The following HERC3 variants were observed in gnomAD, a reference collection of about 807,000 sequenced individuals.
The protein encoded by HERC3 is probable E3 ubiquitin-protein ligase HERC3.
Under a neutral mutation model 129.9 loss-of-function variants are expected in HERC3, and 58 were observed. The observed-to-expected ratio is 0.45, with a 90% CI of 0.36 to 0.56. The LOEUF is 0.56. Ranked by LOEUF, HERC3 falls within the 20% of genes least tolerant of loss-of-function variation. The pLI, the probability that HERC3 is intolerant of heterozygous loss-of-function variation, is 0.00. For missense variants in HERC3, 835 were observed against 1,244.2 expected (o/e 0.67, Z 4.95); for synonymous variants, 430 against 451.0 (o/e 0.95, Z 0.59).
intron 23 of HERC3, chr4:88,697,674 C>T (rs780447986): frequency 2.2e-5 from 35 of 1,612,936 alleles, no homozygotes; most frequent in Non-Finnish European, 7.6e-6. Context: ...CGCCTTCCGC[C>T]ATTACCTCCT....
chr4:88,551,918 A>G, the HERC3 span, among the ~76,000 whole-genome samples: 1 of 152,324 alleles, frequency 6.6e-6, no homozygotes, highest in African/African-American at 2.4e-5. Flanking sequence ...GACTTAGAAA[A>G]TGTGGCACAT....
intron 3 of HERC3, among the ~76,000 whole-genome samples, chr4:88,625,834 TG>T (rs1415036095): frequency 6.8e-6 from 1 of 147,576 alleles, no homozygotes; most frequent in Non-Finnish European, 1.5e-5. Context: ...TGATATTTAG[TG>T]ATTTTTTTTT....
At chr4:88,663,406 T>A (rs1730708501) in intron 11 of HERC3, among the ~76,000 whole-genome samples, 1 of 152,124 alleles carries the variant, frequency 6.6e-6, no homozygotes, top group Non-Finnish European at 1.5e-5. Context: ...GAGGGCTTGC[T>A]GGGGTCCAGC....
At chr4:88,587,378 T>C in the HERC3 span, among the ~76,000 whole-genome samples, 1 of 152,196 alleles carries the variant, frequency 6.6e-6, no homozygotes, top group East Asian at 1.9e-4. Flanking sequence ...TTGCTTGGAT[T>C]GGGAAAAATG....
At chr4:88,616,539 T>C (rs1724916558) in intron 3 of HERC3, among the ~76,000 whole-genome samples, 1 of 152,200 alleles carries the variant, frequency 6.6e-6, no homozygotes, top group African/African-American at 2.4e-5. Context: ...GACTTCCAGT[T>C]AGCTGTGATG....
At chr4:88,645,234 GA>G (rs1728564504) in intron 3 of HERC3, among the ~76,000 whole-genome samples, 2 of 152,126 alleles carry the variant, frequency 1.3e-5, no homozygotes. Context: ...GTGGGAACAG[GA>G]AATCAAGAGT....
chr4:88,681,432 T>C lies in HERC3; in HGVS notation c.2507+107T>C. On this transcript the variant is annotated intron_variant, in intron 21 of 25. Coordinates refer to ENST00000402738, the MANE Select transcript of HERC3 (RefSeq NM_014606.3). The stretch of plus-strand genomic sequence containing the variant: ...GTACAAATCTGAGTTTATTGCATCC[T>C]GTGGTTAGACCCTGTTATGTGTGTT... 3.2e-6 allele frequency: 3 copies of C among 942,732 alleles called. No homozygotes were observed. In the East Asian group the frequency reaches 7.6e-5, roughly 24 times the overall value. The allele number at this position is 942,732 out of a possible 1,614,324, so 58.4% of individuals were successfully genotyped here. A position where few individuals can be genotyped will look rare whatever the true frequency, so the allele number is the denominator to read the frequency against.
At chr4:88,565,970 A>G in the HERC3 span, among the ~76,000 whole-genome samples, 1 of 148,268 alleles carries the variant, frequency 6.7e-6, no homozygotes. Context: ...TCTTGTTTCC[A>G]TCTTTTTTTT....
chr4:88,617,571 C>T (rs963275573), intron 3 of HERC3, among the ~76,000 whole-genome samples: 2 of 152,178 alleles, frequency 1.3e-5, no homozygotes, highest in African/African-American at 4.8e-5. Flanking sequence ...GCTGTTTGGG[C>T]ACAAAGTCAA....
chr4:88,652,216 A>G, intron 5 of HERC3, 128 bp downstream of exon 5: 4 of 687,346 alleles, frequency 5.8e-6, no homozygotes, highest in Non-Finnish European at 1.0e-5. Flanking sequence ...TTGCTGTTGG[A>G]CAGTGACAAT....
intron 3 of HERC3, among the ~76,000 whole-genome samples, chr4:88,619,576 C>T (rs1408628611): frequency 1.3e-5 from 2 of 152,090 alleles, no homozygotes; most frequent in East Asian, 1.9e-4. Flanking sequence ...AGGGTTTCAA[C>T]GTGGTCCTGA....
At chr4:88,640,582 C>T (rs763238399) in intron 3 of HERC3, among the ~76,000 whole-genome samples, 3 of 151,804 alleles carry the variant, frequency 2.0e-5, no homozygotes, top group Non-Finnish European at 4.4e-5. Context: ...TGGTGGGGAG[C>T]GAGGGAAGGG....
the HERC3 span, among the ~76,000 whole-genome samples, chr4:88,557,355 T>C: frequency 6.6e-6 from 1 of 152,176 alleles, no homozygotes; most frequent in African/African-American, 2.4e-5. Flanking sequence ...ATAAATACAG[T>C]CAAATCTACC....
chr4:88,624,867 T>A (rs1725917305), intron 3 of HERC3, among the ~76,000 whole-genome samples: 1 of 152,180 alleles, frequency 6.6e-6, no homozygotes, highest in Non-Finnish European at 1.5e-5. Context: ...CATTTCAAAT[T>A]AAAATTTTAT....
At position 88,655,181 on chromosome 4, in the gene HERC3, G is replaced by A; in HGVS notation, c.785G>A (p.Gly262Asp). 6.2e-7 allele frequency: 1 copy of A among 1,613,824 alleles called. No homozygotes were observed. Among genetic ancestry groups the A allele is most frequent in the South Asian group, 1.1e-5 (1 of 91,082 alleles). The part of the protein sequence containing the change: ...EHTAVLTKSG[G>D]VFTFGAGSCG... ...GTGTTTGTTCCTTGTTAGAGTGGAG[G>A]TGTGTTTACCTTTGGCGCTGGTTCC... The change falls in exon 8 of 26, where the codon GGT becomes GAT. Residue 262 changes from glycine (G) to aspartate (D), a missense_variant. Transcript: ENST00000402738.
intron 19 of HERC3, among the ~76,000 whole-genome samples, chr4:88,678,679 G>T (rs140972144): frequency 1.3e-4 from 20 of 152,308 alleles, no homozygotes; most frequent in Middle Eastern, 3.4e-3. Context: ...GAAATACTTA[G>T]TGAATTATAT....
Position 88,676,428 on chromosome 4 carries a change from C to A in HERC3, c.2025+5C>A. The A allele has an allele frequency of 6.3e-7, 1 of 1,582,382 alleles. No homozygotes were observed. Among genetic ancestry groups the A allele is most frequent in the Non-Finnish European group, 8.7e-7 (1 of 1,152,416 alleles). On this transcript the variant is annotated splice_donor_5th_base_variant and intron_variant, in intron 18 of 25. Transcript: ENST00000402738. ...GATGCTGAACTACAGATGCAGGTATCATATTTTAGAAATTATTTCTTCTTT... is the reference window on the plus strand; with the variant it reads ...GATGCTGAACTACAGATGCAGGTATAATATTTTAGAAATTATTTCTTCTTT...
At chr4:88,655,465 G>A (rs774586201) in intron 8 of HERC3, among the ~76,000 whole-genome samples, 161 bp downstream of exon 8, 1 of 152,232 alleles carries the variant, frequency 6.6e-6, no homozygotes, top group Non-Finnish European at 1.5e-5. Flanking sequence ...TTGATAGAGT[G>A]TGGCAAGGAA....
At chr4:88,632,820 C>T (rs140936763) in intron 3 of HERC3, among the ~76,000 whole-genome samples, 1 of 152,234 alleles carries the variant, frequency 6.6e-6, no homozygotes, top group African/African-American at 2.4e-5. Flanking sequence ...CCGGAGAGGA[C>T]AAAGGATGTA....
Sources: allele counts gnomAD v4.1 joint callset (sites outside exome capture counted in the v4.1 genomes callset), GRCh38; gene constraint gnomAD v4.1.1; transcripts MANE v1.5; gene names NCBI Gene and HGNC (gene_info 2026-07-23, HGNC 2026-07-21).